ATXN7L1: variants seen among roughly 807,000 people sequenced by gnomAD.
The protein encoded by ATXN7L1 is ataxin-7-like protein 1.
A neutral mutation model predicts 70.8 loss-of-function variants in ATXN7L1; 15 were observed. The ratio of observed to expected loss-of-function variants is 0.21; its 90% CI spans 0.14 to 0.33. ATXN7L1 has a LOEUF of 0.33. Ranked by LOEUF, ATXN7L1 falls within the 10% of genes least tolerant of loss-of-function variation. ATXN7L1 has a pLI of 1.00. For synonymous variants in ATXN7L1, 440 were observed against 445.1 expected, an observed-to-expected ratio of 0.99 and a Z score of 0.14; for missense variants, 975 against 1,097.1, an observed-to-expected ratio of 0.89 and a Z score of 1.57.
chr7:105,784,152 G>A (rs979477660), intron 3 of ATXN7L1, among the ~76,000 whole-genome samples: 4 of 152,162 alleles, frequency 2.6e-5, no homozygotes, highest in African/African-American at 9.7e-5. Flanking sequence ...TTGTAGAGAT[G>A]TGGTTTCACC....
intron 3 of ATXN7L1, among the ~76,000 whole-genome samples, chr7:105,735,415 T>A (rs1217510122): frequency 6.6e-6 from 1 of 152,160 alleles, no homozygotes; most frequent in Non-Finnish European, 1.5e-5. Flanking sequence ...ATTATTATTA[T>A]TTTTTTAACA....
intron 2 of ATXN7L1, among the ~76,000 whole-genome samples, chr7:105,812,277 C>T (rs375943674): frequency 6.4e-4 from 97 of 152,278 alleles, no homozygotes; most frequent in African/African-American, 2.0e-3. Context: ...TGGCAGCTAC[C>T]GTATTAACAC....
At chr7:105,652,387 A>T (rs905779688) in intron 4 of ATXN7L1, among the ~76,000 whole-genome samples, 4 of 152,198 alleles carry the variant, frequency 2.6e-5, no homozygotes, top group Admixed American at 1.3e-4. Flanking sequence ...GAGGGCAGGA[A>T]TTGAGAACGT....
intron 4 of ATXN7L1, among the ~76,000 whole-genome samples, chr7:105,654,529 G>T (rs1423799280): frequency 6.6e-6 from 1 of 152,204 alleles, no homozygotes; most frequent in Non-Finnish European, 1.5e-5. Context: ...AAGGCCAGGG[G>T]TCAAGTCTCA....
intron 3 of ATXN7L1, among the ~76,000 whole-genome samples, chr7:105,782,664 C>T (rs1165958227): frequency 2.0e-5 from 3 of 152,344 alleles, no homozygotes; most frequent in African/African-American, 7.2e-5. Flanking sequence ...GCTGGATGGA[C>T]CTCGGCAGGG....
chr7:105,737,611 G>A (rs1010081882), intron 3 of ATXN7L1, among the ~76,000 whole-genome samples: 1 of 151,862 alleles, frequency 6.6e-6, no homozygotes, highest in African/African-American at 2.4e-5. Flanking sequence ...TTAAGACTTA[G>A]AGGGGAGGGG....
intron 2 of ATXN7L1, among the ~76,000 whole-genome samples, chr7:105,853,633 G>A (rs929168148): frequency 5.5e-5 from 8 of 145,212 alleles, no homozygotes; most frequent in Admixed American, 1.4e-4. Context: ...GCGTGGTGGT[G>A]GGCGCCTGTA....
chr7:105,818,889 C>T (rs1809604440), intron 2 of ATXN7L1, among the ~76,000 whole-genome samples: 2 of 131,262 alleles, frequency 1.5e-5, no homozygotes, highest in Admixed American at 8.4e-5. Flanking sequence ...AATCTACCCA[C>T]TGCATTTTTT....
At chr7:105,659,262 G>A (rs971441257) in intron 4 of ATXN7L1, among the ~76,000 whole-genome samples, 1 of 152,316 alleles carries the variant, frequency 6.6e-6, no homozygotes, top group East Asian at 1.9e-4. Context: ...AACAATTCTA[G>A]ACAAAAGGTC....
chr7:105,671,539 T>G (rs1162718760), intron 3 of ATXN7L1, among the ~76,000 whole-genome samples: 20 of 152,180 alleles, frequency 1.3e-4, no homozygotes. Context: ...CCTCAGTGAA[T>G]GATCTTCAGC....
At chr7:105,672,480 T>C (rs1488019867) in intron 3 of ATXN7L1, among the ~76,000 whole-genome samples, 1 of 152,260 alleles carries the variant, frequency 6.6e-6, no homozygotes, top group Non-Finnish European at 1.5e-5. Context: ...TGCTGTAGAT[T>C]ATTTAGCTAT....
intron 3 of ATXN7L1, among the ~76,000 whole-genome samples, chr7:105,711,639 A>G (rs879003811): frequency 6.6e-6 from 1 of 152,254 alleles, no homozygotes; most frequent in Admixed American, 6.5e-5. Flanking sequence ...CAACACTGAC[A>G]TAAGCAATGG....
chr7:105,755,844 T>A (rs761444379), intron 3 of ATXN7L1, among the ~76,000 whole-genome samples: 1 of 152,198 alleles, frequency 6.6e-6, no homozygotes, highest in Non-Finnish European at 1.5e-5. Flanking sequence ...ACGAAAGAGA[T>A]GCTCTGCGTT....
At chr7:105,842,321 T>G (rs1452348790) in intron 2 of ATXN7L1, among the ~76,000 whole-genome samples, 2 of 152,162 alleles carry the variant, frequency 1.3e-5, no homozygotes, top group East Asian at 3.8e-4. Flanking sequence ...TACCACTATC[T>G]AATATGAGAA....
chr7:105,848,007 C>T (rs889848139), intron 2 of ATXN7L1, among the ~76,000 whole-genome samples: 1 of 152,068 alleles, frequency 6.6e-6, no homozygotes, highest in Non-Finnish European at 1.5e-5. Flanking sequence ...CCAAATATGA[C>T]AGACATGGGT....
chr7:105,802,317 T>C (rs1806945657), intron 2 of ATXN7L1, among the ~76,000 whole-genome samples: 1 of 152,076 alleles, frequency 6.6e-6, no homozygotes, highest in Admixed American at 6.6e-5. Flanking sequence ...AATCAATCTC[T>C]CATCTCTGGG....
At chr7:105,803,473 T>A (rs1563106147) in intron 2 of ATXN7L1, among the ~76,000 whole-genome samples, 1 of 152,208 alleles carries the variant, frequency 6.6e-6, no homozygotes, top group Non-Finnish European at 1.5e-5. Context: ...TTGAGCAGTA[T>A]CCTCGGTGCT....
intron 3 of ATXN7L1, among the ~76,000 whole-genome samples, chr7:105,724,659 C>T (rs772599537): frequency 4.7e-4 from 71 of 149,654 alleles, no homozygotes; most frequent in Middle Eastern, 6.9e-3. Context: ...GAGGCCGAGG[C>T]GGGCGGATCA....
intron 2 of ATXN7L1, among the ~76,000 whole-genome samples, chr7:105,831,154 T>C (rs1811546368): frequency 6.6e-6 from 1 of 152,224 alleles, no homozygotes; most frequent in African/African-American, 2.4e-5. Flanking sequence ...TTGTGCAGTG[T>C]ACACACTTGT....
Sources: gnomAD v4.1 joint callset for allele counts (sites outside exome capture counted in the v4.1 genomes callset) on GRCh38, gnomAD v4.1.1 for gene constraint, MANE v1.5 for transcripts, NCBI Gene and HGNC (gene_info 2026-07-23, HGNC 2026-07-21) for gene names.